Variants in COMMD10 observed in about 807,000 individuals in gnomAD.
COMMD10 encodes COMM domain-containing protein 10.
Under a neutral mutation model 28.9 loss-of-function variants are expected in COMMD10, and 33 were observed. The observed-to-expected ratio is 1.14, with a 90% confidence interval of 0.87 to 1.53. The LOEUF is 1.53. Among genes scored for constraint, COMMD10 ranks in the 40% most tolerant of loss-of-function variants. The pLI, the probability that COMMD10 is intolerant of heterozygous loss-of-function variation, is 0.00. For missense variants in COMMD10, 310 were observed against 233.4 expected, an observed-to-expected ratio of 1.33 and a Z score of -2.14; for synonymous variants, 110 against 81.7, an observed-to-expected ratio of 1.35 and a Z score of -1.87.
intron 4 of COMMD10, among the ~76,000 whole-genome samples, chr5:116,107,703 C>T (rs754997202): frequency 2.6e-5 from 4 of 152,098 alleles, no homozygotes; most frequent in Non-Finnish European, 4.4e-5. Flanking sequence ...ACTCGTTCTC[C>T]GTCCAGTTTT....
intron 5 of COMMD10, among the ~76,000 whole-genome samples, chr5:116,180,145 A>G (rs1045722903): frequency 6.6e-6 from 1 of 152,066 alleles, no homozygotes; most frequent in African/African-American, 2.4e-5. Context: ...TTTAGGGTTA[A>G]TTGATTATAT....
At chr5:116,139,383 G>GTCTTT (rs1752126120) in intron 5 of COMMD10, among the ~76,000 whole-genome samples, 1 of 151,382 alleles carries the variant, frequency 6.6e-6, no homozygotes, top group African/African-American at 2.4e-5. Context: ...TGATGTTGAT[G>GTCTTT]TGAGCAAATA....
chr5:116,110,642 G>A (rs1751012805), intron 4 of COMMD10, among the ~76,000 whole-genome samples: 1 of 152,118 alleles, frequency 6.6e-6, no homozygotes, highest in Non-Finnish European at 1.5e-5. Flanking sequence ...CCTGTGACTG[G>A]GTAACTTATA....
At chr5:116,238,115 C>T (rs1292681113) in intron 5 of COMMD10, among the ~76,000 whole-genome samples, 3 of 152,260 alleles carry the variant, frequency 2.0e-5, no homozygotes, top group East Asian at 1.9e-4. Flanking sequence ...AGGAGGCCAT[C>T]GCCTTGAACT....
chr5:116,177,237 C>G (rs529018501), intron 5 of COMMD10, among the ~76,000 whole-genome samples: 1 of 151,706 alleles, frequency 6.6e-6, no homozygotes, highest in South Asian at 2.1e-4. Context: ...ATTGGGTGGA[C>G]CAGAAATAAG....
chr5:116,183,221 A>C (rs1260733505), intron 5 of COMMD10, among the ~76,000 whole-genome samples: 1 of 152,004 alleles, frequency 6.6e-6, no homozygotes. Flanking sequence ...CATTATATTG[A>C]GTTAGTCAAA....
intron 5 of COMMD10, among the ~76,000 whole-genome samples, chr5:116,290,832 G>A (rs1751341785): frequency 6.6e-6 from 1 of 152,092 alleles, no homozygotes; most frequent in Admixed American, 6.6e-5. Context: ...ACCAAAAGTA[G>A]GTTGGATTGA....
At chr5:116,186,262 A>G (rs1415366154) in intron 5 of COMMD10, among the ~76,000 whole-genome samples, 1 of 152,146 alleles carries the variant, frequency 6.6e-6, no homozygotes, top group Non-Finnish European at 1.5e-5. Context: ...ATTCCAATAC[A>G]GCTTCTGCTC....
intron 5 of COMMD10, among the ~76,000 whole-genome samples, chr5:116,151,560 T>A (rs2112552865): frequency 6.6e-6 from 1 of 152,280 alleles, no homozygotes; most frequent in East Asian, 1.9e-4. Flanking sequence ...ATTCAGAGAG[T>A]CAACTTCTTC....
intron 5 of COMMD10, among the ~76,000 whole-genome samples, chr5:116,274,794 T>G (rs1029263956): frequency 6.6e-6 from 1 of 151,772 alleles, no homozygotes; most frequent in Non-Finnish European, 1.5e-5. Context: ...TAATTATTGG[T>G]GTGCCTTAAG....
At chr5:116,175,298 A>T (rs1369865345) in intron 5 of COMMD10, among the ~76,000 whole-genome samples, 2 of 152,146 alleles carry the variant, frequency 1.3e-5, no homozygotes, top group African/African-American at 2.4e-5. Flanking sequence ...TGGGCTAGGT[A>T]GTTAGTAACT....
intron 5 of COMMD10, among the ~76,000 whole-genome samples, chr5:116,173,628 A>C (rs1230600828): frequency 6.6e-6 from 1 of 152,074 alleles, no homozygotes; most frequent in Non-Finnish European, 1.5e-5. Flanking sequence ...TTACCTCTTC[A>C]GCTATGATCT....
intron 5 of COMMD10, among the ~76,000 whole-genome samples, chr5:116,144,791 G>A (rs1026452744): frequency 6.6e-6 from 1 of 151,876 alleles, no homozygotes; most frequent in African/African-American, 2.4e-5. Flanking sequence ...TATGAGGTGA[G>A]AGTGGAAGTA....
At chr5:116,281,944 C>T (rs1289066074) in intron 5 of COMMD10, among the ~76,000 whole-genome samples, 1 of 151,812 alleles carries the variant, frequency 6.6e-6, no homozygotes, top group South Asian at 2.1e-4. Flanking sequence ...AAAATACCTT[C>T]TTTTCCTGGG....
At chr5:116,183,146 G>A (rs922883955) in intron 5 of COMMD10, among the ~76,000 whole-genome samples, 1 of 152,114 alleles carries the variant, frequency 6.6e-6, no homozygotes, top group African/African-American at 2.4e-5. Context: ...GAGATTGTTG[G>A]TGAGAGAGGC....
chr5:116,260,890 C>G (rs1162012376), intron 5 of COMMD10, among the ~76,000 whole-genome samples: 2 of 151,700 alleles, frequency 1.3e-5, no homozygotes, highest in Admixed American at 1.3e-4. Flanking sequence ...AGTATTGTGT[C>G]TTTGTCATTA....
intron 4 of COMMD10, among the ~76,000 whole-genome samples, chr5:116,095,981 C>T (rs1272086395): frequency 6.6e-6 from 1 of 152,004 alleles, no homozygotes; most frequent in Non-Finnish European, 1.5e-5. Context: ...TTTGTCTATG[C>T]CAATATCACA....
chr5:116,231,217 T>C (rs937899817), intron 5 of COMMD10, among the ~76,000 whole-genome samples: 2 of 152,194 alleles, frequency 1.3e-5, no homozygotes, highest in African/African-American at 4.8e-5. Flanking sequence ...TGACTTGAGA[T>C]AGAATCATTA....
chr5:116,134,307 G>T (rs1490773286), intron 5 of COMMD10, 129 bp downstream of exon 5: 1 of 552,972 alleles, frequency 1.8e-6, no homozygotes, highest in Non-Finnish European at 3.2e-6. Flanking sequence ...TTAATAAGTG[G>T]ATCTTTTTTG....
Sources: gnomAD v4.1 joint callset for allele counts (sites outside exome capture counted in the v4.1 genomes callset) on GRCh38, gnomAD v4.1.1 for gene constraint, MANE v1.5 for transcripts, NCBI Gene and HGNC (gene_info 2026-07-23, HGNC 2026-07-21) for gene names.